Variants in NFATC2 observed in about 807,000 individuals in gnomAD.
NFATC2 encodes nuclear factor of activated T-cells, cytoplasmic 2.
A neutral mutation model predicts 87.3 loss-of-function variants in NFATC2; 22 were observed. The ratio of observed to expected loss-of-function variants is 0.25; its 90% CI spans 0.18 to 0.36. The LOEUF (loss-of-function observed/expected upper bound fraction) is 0.36, where lower values mean the gene tolerates loss of function less well. NFATC2 is among the 10% of genes least tolerant of loss of function. The pLI is 1.00. For missense variants in NFATC2, 1,149 were observed against 1,259.1 expected (o/e 0.91, Z 1.32); for synonymous variants, 565 against 542.2 (o/e 1.04, Z -0.58).
chr20:51,510,503 G>C (rs2076255550), intron 3 of NFATC2, among the ~76,000 whole-genome samples: 1 of 152,232 alleles, frequency 6.6e-6, no homozygotes, highest in Non-Finnish European at 1.5e-5. Context: ...GAATCAAGTG[G>C]TTCCCCTTTT....
intron 9 of NFATC2, among the ~76,000 whole-genome samples, chr20:51,401,027 A>T (rs2146239401): frequency 6.6e-6 from 1 of 152,240 alleles, no homozygotes; most frequent in South Asian, 2.1e-4. Context: ...CTCCCCAGCC[A>T]CGAGATGGGG....
intron 9 of NFATC2, among the ~76,000 whole-genome samples, chr20:51,406,219 AGGC>A (rs1164403905): frequency 1.3e-5 from 2 of 152,238 alleles, no homozygotes. Context: ...AGTGTGGCTC[AGGC>A]TACTTGTAGA....
Position 51,436,487 on chromosome 20 carries a change from T to C in NFATC2, c.1850-726A>G, listed in dbSNP as rs543142826. 2.6e-3 allele frequency among the ~76,000 whole-genome samples: 388 copies of C among 151,062 alleles called. 2 individuals carry two copies. The highest frequency in any genetic ancestry group is 4.9e-3 in the Non-Finnish European group (330 of 67,886). ...CCTTTGGGAGGCCAAGGCAGATGGA[T>C]CACTTGAGGCTAGGAGTTCGAGACC... On this transcript the variant is annotated intron_variant, in intron 6 of 10. Transcript: ENST00000371564.
chr20:51,474,233 G>T, intron 4 of NFATC2, 81 bp from the exon 5 acceptor site: 1 of 1,532,562 alleles, frequency 6.5e-7, no homozygotes, highest in Non-Finnish European at 8.9e-7. Flanking sequence ...CCAGTCTACA[G>T]CCAGTCACTG....
intron 5 of NFATC2, among the ~76,000 whole-genome samples, chr20:51,457,582 G>T (rs1191455260): frequency 6.9e-6 from 1 of 145,786 alleles, no homozygotes; most frequent in African/African-American, 2.6e-5. Flanking sequence ...CTACCTGAAG[G>T]AAAACTTTTT....
At chr20:51,457,304 C>T (rs1209213649) in intron 5 of NFATC2, among the ~76,000 whole-genome samples, 2 of 152,204 alleles carry the variant, frequency 1.3e-5, no homozygotes, top group African/African-American at 4.8e-5. Flanking sequence ...AGCATCCCAC[C>T]CATTTTACAG....
At chr20:51,512,386 T>TA (rs996801911) in intron 3 of NFATC2, among the ~76,000 whole-genome samples, 14 of 152,114 alleles carry the variant, frequency 9.2e-5, no homozygotes, top group African/African-American at 3.1e-4. Context: ...CAAACCATCC[T>TA]AGTCCACTTT....
At chr20:51,547,215 C>T (rs1025210872), upstream of NFATC2, among the ~76,000 whole-genome samples, 10 of 152,088 alleles carry the variant, frequency 6.6e-5, no homozygotes, top group African/African-American at 2.4e-4. Flanking sequence ...TATAGCCGTC[C>T]AGGAAAGAGA....
At chr20:51,413,645 T>A (rs1396351184) in intron 9 of NFATC2, among the ~76,000 whole-genome samples, 2 of 152,058 alleles carry the variant, frequency 1.3e-5, no homozygotes, top group African/African-American at 4.8e-5. Flanking sequence ...ATAGTCCAGC[T>A]ACCCAGGAGG....
At chr20:51,400,453 C>T (rs1263099617) in intron 9 of NFATC2, among the ~76,000 whole-genome samples, 2 of 130,858 alleles carry the variant, frequency 1.5e-5, no homozygotes, top group Non-Finnish European at 3.1e-5. Flanking sequence ...ACATGGTGCC[C>T]AGTGTTAATA....
chr20:51,535,061 G>A (rs563575560), intron 1 of NFATC2, among the ~76,000 whole-genome samples: 5 of 152,270 alleles, frequency 3.3e-5, no homozygotes, highest in East Asian at 1.9e-4. Context: ...CAAGGTCTGC[G>A]TCTAACAGAA....
intron 3 of NFATC2, among the ~76,000 whole-genome samples, chr20:51,492,036 T>C (rs1218301384): frequency 6.6e-6 from 1 of 151,682 alleles, no homozygotes. Flanking sequence ...CCTTGTTCAC[T>C]GGCCCGGGCT....
intron 9 of NFATC2, among the ~76,000 whole-genome samples, chr20:51,423,400 T>C (rs1320983214): frequency 2.6e-5 from 4 of 151,334 alleles, no homozygotes; most frequent in Admixed American, 2.0e-4. Flanking sequence ...AACCATCACC[T>C]GAGTGGCGGC....
chr20:51,392,483 G>C (rs1279272292), intron 10 of NFATC2, among the ~76,000 whole-genome samples: 2 of 152,118 alleles, frequency 1.3e-5, no homozygotes, highest in East Asian at 1.9e-4. Context: ...CCTGCAAAAA[G>C]GTTCCCTAAA....
intron 3 of NFATC2, among the ~76,000 whole-genome samples, chr20:51,483,159 T>C (rs1421877365): frequency 1.3e-5 from 2 of 152,088 alleles, no homozygotes; most frequent in African/African-American, 2.4e-5. Context: ...CTTTCCCCCA[T>C]TACAAACACT....
rs1283194965 is a variant in NFATC2, at chr20:51,443,933, C to A, written c.1850-8172G>T. ...CAACTCTGCAAGTTAAAAAAAAAAA[C>A]AAAAAAAATAGGGTGGGGGGATGGC... On this transcript the variant is annotated intron_variant, in intron 6 of 10. Coordinates refer to ENST00000371564, the MANE Select transcript of NFATC2 (RefSeq NM_012340.5). Among the ~76,000 whole-genome samples, 28 of 150,376 alleles carry A rather than the reference C, an allele frequency of 1.9e-4. No homozygotes were observed. The East Asian group carries it at 3.9e-3, about 21-fold the overall frequency.
intron 3 of NFATC2, among the ~76,000 whole-genome samples, chr20:51,489,550 C>G (rs1022413917): frequency 5.3e-5 from 8 of 152,210 alleles, no homozygotes; most frequent in African/African-American, 1.9e-4. Context: ...AAGTCCCCCA[C>G]TCCTTCATTC....
chr20:51,435,179 A>C lies in NFATC2; in HGVS notation c.2032+9T>G, dbSNP rs1317112332. On this transcript the variant is annotated intron_variant, in intron 8 of 10. Coordinates refer to ENST00000371564, the MANE Select transcript of NFATC2 (RefSeq NM_012340.5). ...CAATAACAAAGGGGTCATCAGAAACACTCCTTACCTGGGTGGTAGGTAAAG... is the reference window on the plus strand; with the variant it reads ...CAATAACAAAGGGGTCATCAGAAACCCTCCTTACCTGGGTGGTAGGTAAAG... 1 of 1,613,220 alleles carries C rather than the reference A, an allele frequency of 6.2e-7. No individual in the cohort carries two copies. The highest frequency in any genetic ancestry group is 8.5e-7 in the Non-Finnish European group (1 of 1,179,746).
intron 9 of NFATC2, among the ~76,000 whole-genome samples, chr20:51,420,603 C>G (rs535402572): frequency 6.6e-6 from 1 of 152,176 alleles, no homozygotes; most frequent in East Asian, 1.9e-4. Flanking sequence ...GGAAGAACCT[C>G]TAGATTTAAT....
Sources: gnomAD v4.1 joint callset for allele counts (sites outside exome capture counted in the v4.1 genomes callset) on GRCh38, gnomAD v4.1.1 for gene constraint, MANE v1.5 for transcripts, NCBI Gene and HGNC (gene_info 2026-07-23, HGNC 2026-07-21) for gene names.